The following CPXM2 variants were observed in gnomAD, a reference collection of about 807,000 sequenced individuals.
CPXM2 encodes the protein inactive carboxypeptidase-like protein X2.
Under a neutral mutation model 86.1 loss-of-function variants are expected in CPXM2, and 66 were observed. The ratio of observed to expected loss-of-function variants is 0.77; its 90% CI spans 0.63 to 0.94. The LOEUF is 0.94. Among genes scored for constraint, CPXM2 ranks in the 40% least tolerant of loss-of-function variants. The pLI, the probability that CPXM2 is intolerant of heterozygous loss-of-function variation, is 0.00. For missense variants in CPXM2, 948 were observed against 1,026.3 expected (o/e 0.92, Z 1.04); for synonymous variants, 388 against 400.2 (o/e 0.97, Z 0.36).
chr10:123,884,557 T>A (rs1212002246), intron 1 of CPXM2, among the ~76,000 whole-genome samples: 1 of 152,186 alleles, frequency 6.6e-6, no homozygotes, highest in Non-Finnish European at 1.5e-5. Context: ...AGCAGTGGAC[T>A]GATGCGCTGG....
At chr10:123,842,216 A>T in intron 4 of CPXM2, 133 bp downstream of exon 4, 1 of 1,211,706 alleles carries the variant, frequency 8.3e-7, no homozygotes, top group Non-Finnish European at 1.2e-6. Flanking sequence ...CCTCCTGTTC[A>T]TATTCCAATT....
At chr10:123,853,775 C>T (rs561994812) in intron 3 of CPXM2, among the ~76,000 whole-genome samples, 2 of 152,112 alleles carry the variant, frequency 1.3e-5, no homozygotes, top group South Asian at 2.1e-4. Flanking sequence ...CATGGTGGCA[C>T]GTGCCTGTAA....
chr10:123,878,268 G>GGTTA (rs1945020654), intron 2 of CPXM2, among the ~76,000 whole-genome samples: 1 of 148,796 alleles, frequency 6.7e-6, no homozygotes, highest in Non-Finnish European at 1.5e-5. Context: ...TCCCCTCCAA[G>GGTTA]GTTATCCTCG....
chr10:123,906,777 A>G (rs974496794), intron 2 of CPXM2, among the ~76,000 whole-genome samples: 12 of 152,166 alleles, frequency 7.9e-5, no homozygotes, highest in South Asian at 4.1e-4. Flanking sequence ...AGCCATCCCC[A>G]TGCACTTTTA....
intron 3 of CPXM2, among the ~76,000 whole-genome samples, chr10:123,861,422 G>A (rs1038808920): frequency 2.0e-4 from 31 of 152,200 alleles, no homozygotes; most frequent in African/African-American, 7.0e-4. Context: ...ATGCCCTGGG[G>A]ATGGGGCGGC....
chr10:123,757,469 G>A lies in CPXM2; in HGVS notation c.1778-117C>T, dbSNP rs973458649. 16 of 869,266 alleles carry A rather than the reference G, an allele frequency of 1.8e-5. No homozygotes were observed. The Admixed American group carries it at 2.8e-4, about 15-fold the overall frequency. The allele number at this position is 869,266 out of a possible 1,614,324, so 53.8% of individuals were successfully genotyped here. ...CATTCGGAAGGCCTTGTTTAAACAG[G>A]GAGATATGAAGTATCTACTATAGAC... On this transcript the variant is annotated intron_variant, in intron 11 of 13. Coordinates refer to ENST00000241305, the MANE Select transcript of CPXM2 (RefSeq NM_198148.3).
At chr10:123,808,974 T>G (rs1847636075) in intron 4 of CPXM2, among the ~76,000 whole-genome samples, 1 of 151,082 alleles carries the variant, frequency 6.6e-6, no homozygotes. Flanking sequence ...AAATGGAAAA[T>G]TCCAGAAACG....
rs1482645113 is a variant in CPXM2 at position 123,759,399 on chromosome 10, A to G, written c.1778-2047T>C. On this transcript the variant is annotated intron_variant, in intron 11 of 13. Coordinates refer to ENST00000241305, the MANE Select transcript of CPXM2 (RefSeq NM_198148.3). ...TCTGGAGTGAGCCTGCCATTTTGCA[A>G]TATGTGTCTTCAGAGCATAGGAAGC... is the stretch of plus-strand genomic sequence containing the variant. 4.6e-5 allele frequency among the ~76,000 whole-genome samples: 7 copies of G among 152,198 alleles called. No homozygotes were observed. The East Asian group carries it at 5.8e-4, about 13-fold the overall frequency.
At chr10:123,857,204 T>A (rs918060150) in intron 3 of CPXM2, among the ~76,000 whole-genome samples, 14 of 152,152 alleles carry the variant, frequency 9.2e-5, no homozygotes, top group Non-Finnish European at 1.9e-4. Context: ...ATTATTAAGT[T>A]AACAAAAGTA....
intron 1 of CPXM2, among the ~76,000 whole-genome samples, chr10:123,881,810 C>G (rs948554794): frequency 6.6e-6 from 1 of 152,128 alleles, no homozygotes; most frequent in Admixed American, 6.5e-5. Context: ...TGGCAGCATC[C>G]CAGTGGCAAT....
At chr10:123,858,850 T>C (rs1848796156) in intron 3 of CPXM2, among the ~76,000 whole-genome samples, 1 of 152,250 alleles carries the variant, frequency 6.6e-6, no homozygotes, top group African/African-American at 2.4e-5. Context: ...TGAATGCTAA[T>C]AGGTAAGAAT....
chr10:123,868,684 T>C (rs1354186273), intron 2 of CPXM2, among the ~76,000 whole-genome samples: 1 of 152,076 alleles, frequency 6.6e-6, no homozygotes, highest in Non-Finnish European at 1.5e-5. Flanking sequence ...CAAGAGTATT[T>C]GGAAAATGTA....
chr10:123,767,227 T>G, intron 9 of CPXM2, 75 bp from the exon 10 acceptor site: 97 of 1,218,254 alleles, frequency 8.0e-5, no homozygotes, highest in Non-Finnish European at 1.1e-4. Context: ...AAGATGCATC[T>G]GTCTCCACTT....
At chr10:123,870,915 G>C (rs1477073986) in intron 2 of CPXM2, among the ~76,000 whole-genome samples, 2 of 152,314 alleles carry the variant, frequency 1.3e-5, no homozygotes, top group Admixed American at 6.5e-5. Context: ...TCTCAGAAGA[G>C]AGTCCCTGCA....
At chr10:123,898,950 A>G (rs893747276) in intron 2 of CPXM2, among the ~76,000 whole-genome samples, 1 of 152,036 alleles carries the variant, frequency 6.6e-6, no homozygotes, top group Non-Finnish European at 1.5e-5. Context: ...GGGGTTCACC[A>G]CGTTGCCCAG....
upstream of CPXM2, among the ~76,000 whole-genome samples, chr10:123,895,254 G>T (rs886650570): frequency 2.0e-5 from 3 of 150,684 alleles, no homozygotes; most frequent in Admixed American, 6.6e-5. Context: ...CTCCCAAGTA[G>T]CTGGGATTAC....
chr10:123,785,452 A>G (rs920198839), intron 6 of CPXM2, among the ~76,000 whole-genome samples: 3 of 152,076 alleles, frequency 2.0e-5, no homozygotes, highest in Non-Finnish European at 4.4e-5. Context: ...AAAGCAACCA[A>G]CTTGTCCCAG....
At chr10:123,796,620 G>T (rs948364157) in intron 6 of CPXM2, among the ~76,000 whole-genome samples, 9 of 152,192 alleles carry the variant, frequency 5.9e-5, no homozygotes, top group Non-Finnish European at 8.8e-5. Context: ...AATACTACGG[G>T]ATTGAGAGAA....
intron 4 of CPXM2, among the ~76,000 whole-genome samples, chr10:123,826,027 C>A (rs903179091): frequency 1.3e-5 from 2 of 152,196 alleles, no homozygotes; most frequent in African/African-American, 4.8e-5. Flanking sequence ...GCAATCAGTA[C>A]AAACATCTAC....
Sources: gnomAD v4.1 joint callset for allele counts (sites outside exome capture counted in the v4.1 genomes callset) on GRCh38, gnomAD v4.1.1 for gene constraint, MANE v1.5 for transcripts, NCBI Gene and HGNC (gene_info 2026-07-23, HGNC 2026-07-21) for gene names.